CNTN5: variants seen among roughly 807,000 people sequenced by gnomAD.
The protein encoded by CNTN5 is contactin 5.
In CNTN5, 77 loss-of-function variants were observed where a neutral mutation model predicts 129.1. The ratio of observed to expected loss-of-function variants is 0.60; its 90% CI spans 0.50 to 0.72. The LOEUF is 0.72. Among genes scored for constraint, CNTN5 ranks in the 30% least tolerant of loss-of-function variants. The probability of loss-of-function intolerance (pLI) is 0.00; values close to 1 mark genes in which losing one functional copy is unlikely to be tolerated. For missense variants in CNTN5, 1,478 were observed against 1,328.8 expected (o/e 1.11, Z -1.75); for synonymous variants, 509 against 465.6 (o/e 1.09, Z -1.20).
chr11:99,909,622 C>T (rs1170053286), intron 6 of CNTN5, among the ~76,000 whole-genome samples: 2 of 152,118 alleles, frequency 1.3e-5, no homozygotes, highest in African/African-American at 4.8e-5. Context: ...CCATGGAATA[C>T]TATGCAGCCA....
At chr11:99,582,921 T>A (rs1294020613) in intron 3 of CNTN5, among the ~76,000 whole-genome samples, 1 of 152,180 alleles carries the variant, frequency 6.6e-6, no homozygotes. Flanking sequence ...AGTTTCTGGT[T>A]TTTCTGCTTT....
chr11:99,053,398 T>C (rs1864503801), intron 1 of CNTN5, among the ~76,000 whole-genome samples: 1 of 151,976 alleles, frequency 6.6e-6, no homozygotes, highest in Non-Finnish European at 1.5e-5. Flanking sequence ...TATGCAACTT[T>C]GGGTCTTTTA....
At chr11:99,626,530 A>G (rs1231099440) in intron 3 of CNTN5, among the ~76,000 whole-genome samples, 2 of 152,212 alleles carry the variant, frequency 1.3e-5, no homozygotes, top group East Asian at 1.9e-4. Context: ...CCCTTCTTCA[A>G]GAAGTCTTCT....
chr11:99,889,992 A>T (rs1168507976), intron 6 of CNTN5, among the ~76,000 whole-genome samples: 1 of 152,202 alleles, frequency 6.6e-6, no homozygotes, highest in Non-Finnish European at 1.5e-5. Flanking sequence ...ATTGTCACAA[A>T]AAGGACTACA....
At chr11:100,181,605 G>A (rs373516662) in intron 13 of CNTN5, among the ~76,000 whole-genome samples, 30 of 151,598 alleles carry the variant, frequency 2.0e-4, no homozygotes, top group Non-Finnish European at 3.4e-4. Flanking sequence ...TAAGATGAAC[G>A]CGTATAAAAA....
chr11:99,737,132 CACACACACACAA>C (rs1193194969), intron 3 of CNTN5, among the ~76,000 whole-genome samples: 18 of 149,612 alleles, frequency 1.2e-4, no homozygotes, highest in African/African-American at 4.6e-4. Context: ...AACACACATG[CACACACACACAA>C]ACACACACAC....
intron 9 of CNTN5, among the ~76,000 whole-genome samples, chr11:100,018,970 G>C (rs1221398908): frequency 6.6e-6 from 1 of 151,832 alleles, no homozygotes; most frequent in Admixed American, 6.6e-5. Flanking sequence ...TTAATAGCTT[G>C]CCAATATTTT....
chr11:100,272,069 TAGAA>T (rs1950417579), intron 18 of CNTN5, among the ~76,000 whole-genome samples: 1 of 152,008 alleles, frequency 6.6e-6, no homozygotes. Flanking sequence ...ATGAAAACAA[TAGAA>T]AGAGGAGGAT....
intron 2 of CNTN5, among the ~76,000 whole-genome samples, chr11:99,328,683 C>G (rs1358424053): frequency 6.6e-6 from 1 of 151,418 alleles, no homozygotes; most frequent in Non-Finnish European, 1.5e-5. Flanking sequence ...CCAGCTTGAC[C>G]AACATGGAGA....
chr11:99,084,388 A>G (rs1865917513), intron 1 of CNTN5, among the ~76,000 whole-genome samples: 1 of 152,202 alleles, frequency 6.6e-6, no homozygotes, highest in Admixed American at 6.5e-5. Context: ...AGGTATCTGG[A>G]TGATTATTTT....
chr11:99,176,719 C>A (rs1272298939), intron 1 of CNTN5, among the ~76,000 whole-genome samples: 1 of 152,156 alleles, frequency 6.6e-6, no homozygotes, highest in Non-Finnish European at 1.5e-5. Context: ...CCACTACAAC[C>A]CTTGGTTAGA....
At chr11:99,845,595 A>G (rs1273080075) in intron 6 of CNTN5, among the ~76,000 whole-genome samples, 1 of 151,694 alleles carries the variant, frequency 6.6e-6, no homozygotes, top group East Asian at 1.9e-4. Flanking sequence ...GATGGTGTCG[A>G]TCTCCTGACC....
chr11:99,545,045 T>C (rs567002052), intron 2 of CNTN5, among the ~76,000 whole-genome samples: 6 of 152,342 alleles, frequency 3.9e-5, no homozygotes, highest in African/African-American at 9.6e-5. Flanking sequence ...GGGATCTGCC[T>C]AATATTTTAT....
chr11:99,615,071 A>G (rs1360039831), intron 3 of CNTN5, among the ~76,000 whole-genome samples: 1 of 143,498 alleles, frequency 7.0e-6, no homozygotes, highest in Non-Finnish European at 1.5e-5. Flanking sequence ...TATCATAAAT[A>G]TATAAAAATA....
At chr11:99,367,032 G>T (rs940313967) in intron 2 of CNTN5, among the ~76,000 whole-genome samples, 4 of 152,086 alleles carry the variant, frequency 2.6e-5, no homozygotes, top group Non-Finnish European at 5.9e-5. Flanking sequence ...TAGAATCAAA[G>T]ATATTAAAAT....
chr11:99,775,467 A>T (rs1489142976), intron 3 of CNTN5, among the ~76,000 whole-genome samples: 2 of 152,046 alleles, frequency 1.3e-5, no homozygotes, highest in African/African-American at 2.4e-5. Context: ...ATAAAAATAT[A>T]TTGTGATTAA....
At chr11:99,433,374 T>TGTGTGA (rs1943473430) in intron 2 of CNTN5, among the ~76,000 whole-genome samples, 13 of 21,568 alleles carry the variant, frequency 6.0e-4, no homozygotes, top group Non-Finnish European at 1.0e-3. Context: ...AAAAAAAATG[T>TGTGTGA]GTGTGTGTGT....
intron 7 of CNTN5, among the ~76,000 whole-genome samples, chr11:99,917,247 C>T (rs191911834): frequency 6.2e-4 from 94 of 151,974 alleles, no homozygotes; most frequent in South Asian, 3.3e-3. Context: ...TGAGTTGTAC[C>T]ACTCCAATTC....
At chr11:99,659,780 T>C (rs1952528545) in intron 3 of CNTN5, among the ~76,000 whole-genome samples, 1 of 152,202 alleles carries the variant, frequency 6.6e-6, no homozygotes, top group Non-Finnish European at 1.5e-5. Flanking sequence ...ATCCTAATGT[T>C]AATCTCTTCT....
Sources: allele counts gnomAD v4.1 joint callset (sites outside exome capture counted in the v4.1 genomes callset), GRCh38; gene constraint gnomAD v4.1.1; transcripts MANE v1.5; gene names NCBI Gene and HGNC (gene_info 2026-07-23, HGNC 2026-07-21).